The following OPRPN variants were observed in gnomAD, a reference collection of about 807,000 sequenced individuals.
OPRPN encodes opiorphin prepropeptide, also known as basic proline-rich lacrimal protein.
Under a neutral mutation model 2.2 loss-of-function variants are expected in OPRPN, and 1 was observed. The observed-to-expected ratio is 0.45, with a 90% CI of 0.16 to 2.15. The LOEUF is 2.15. OPRPN is among the 30% of genes most tolerant of loss of function. The probability of loss-of-function intolerance (pLI) is 0.28; values close to 1 mark genes in which losing one functional copy is unlikely to be tolerated. For missense variants in OPRPN, 306 were observed against 297.3 expected, an observed-to-expected ratio of 1.03 and a Z score of -0.21; for synonymous variants, 126 against 111.5, an observed-to-expected ratio of 1.13 and a Z score of -0.82.
At chr4:70,404,015 G>T (rs1733037259) in intron 2 of OPRPN, among the ~76,000 whole-genome samples, 1 of 152,036 alleles carries the variant, frequency 6.6e-6, no homozygotes, top group African/African-American at 2.4e-5. Flanking sequence ...ATACTCCACT[G>T]ATCTTATGGC....
rs368286914 is a variant in OPRPN at position 70,409,780 on chromosome 4, C to A, written c.452C>A (p.Thr151Lys). ...EPQINITTADTTITTNPPTTA... is the reference protein window; with the variant it reads ...EPQINITTADKTITTNPPTTA... ...CAAATAAACATCACCACCGCAGATA[C>A]AACAATCACCACAAATCCCCCCACC... Residue 151 changes from threonine (T) to lysine (K), a missense_variant, in exon 3 of 3, where the codon ACA becomes AAA. Coordinates refer to ENST00000399575, the MANE Select transcript of OPRPN (RefSeq NM_021225.5). 6.2e-7 allele frequency: 1 copy of A among 1,613,784 alleles called. No homozygotes were observed. Among genetic ancestry groups the A allele is most frequent in the Non-Finnish European group, 8.5e-7 (1 of 1,179,856 alleles).
rs1258209131 is a variant in OPRPN, at chr4:70,409,409, A to C, written c.81A>C (p.Arg27Ser). The change falls in exon 3 of 3, where the codon AGA (arginine) becomes AGC (serine). Residue 27 changes from arginine (R) to serine (S), a missense_variant. Physicochemically the swap from Arg to Ser is moderately radical, Grantham distance 110 (BLOSUM62 -1). Transcript: ENST00000399575. ...GTGAGAGTCAAAGATTCTCCAGAAG[A>C]CCATATCTACCTGGCCAGCTGCCAC... is the stretch of plus-strand genomic sequence containing the variant. ...TPSESQRFSR[R>S]PYLPGQLPPP... The C allele has an allele frequency of 6.2e-7, 1 of 1,612,638 alleles. No individual in the cohort carries two copies. Among genetic ancestry groups the C allele is most frequent in the Non-Finnish European group, 8.5e-7 (1 of 1,179,128 alleles).
chr4:70,405,153 A>G (rs17148889), intron 2 of OPRPN, among the ~76,000 whole-genome samples: 14,848 of 152,216 alleles, frequency 0.098, 869 homozygotes, highest in East Asian at 0.21. Flanking sequence ...TCTGTTTCAA[A>G]TAAGCTTATC....
At chr4:70,399,426 A>G (rs1732927130) in intron 2 of OPRPN, 90 bp downstream of exon 2, 10 of 1,102,776 alleles carry the variant, frequency 9.1e-6, no homozygotes, top group African/African-American at 3.2e-5. Context: ...TTTGTCCTGT[A>G]TATAAAAATA....
chr4:70,409,965 C>T lies in OPRPN; in HGVS notation c.637C>T (p.His213Tyr). ...NTTQILANRP[H>Y]TVLLNATVQV... is the part of the protein sequence containing the mutation. The stretch of plus-strand genomic sequence containing the variant: ...TACTCAAATTCTCGCCAACCGTCCT[C>T]ACACAGTATTGCTCAATGCCACTGT... The change falls in exon 3 of 3, where the codon CAC becomes TAC. Residue 213 changes from histidine (H) to tyrosine (Y), a missense_variant. His to Tyr is a moderately conservative substitution (Grantham distance 83). Coordinates refer to ENST00000399575, the MANE Select transcript of OPRPN (RefSeq NM_021225.5). The T allele has an allele frequency of 1.2e-6, 2 of 1,613,976 alleles. No homozygotes were observed. The highest frequency in any genetic ancestry group is 1.7e-6 in the Non-Finnish European group (2 of 1,179,822).
chr4:70,410,071 G>A lies in OPRPN; in HGVS notation c.743G>A (p.Gly248Asp), dbSNP rs1295845284. Residue 248 changes from glycine (G) to aspartate (D), a missense_variant, in exon 3 of 3, where the codon GGT (glycine) becomes GAT (aspartate). By Grantham distance (94) the Gly-to-Asp change is moderately conservative (BLOSUM62 -1). Transcript: ENST00000399575. ...SFWQKLFAIFG is the reference protein window; with the variant it reads ...SFWQKLFAIFD Reference sequence around the variant, plus strand: ...TGGCAAAAACTCTTTGCCATTTTTGGTTGAACATGCAATAAATGATATTTT... The same window carrying A: ...TGGCAAAAACTCTTTGCCATTTTTGATTGAACATGCAATAAATGATATTTT... 1 of 1,540,362 alleles carries A rather than the reference G, an allele frequency of 6.5e-7. No homozygotes were observed. Among genetic ancestry groups the A allele is most frequent in the Non-Finnish European group, 8.7e-7 (1 of 1,145,194 alleles).
At chr4:70,407,800 T>C (rs923554202) in intron 2 of OPRPN, among the ~76,000 whole-genome samples, 1 of 152,186 alleles carries the variant, frequency 6.6e-6, no homozygotes, top group African/African-American at 2.4e-5. Context: ...AAGATGTAGA[T>C]ATAAAACACA....
intron 2 of OPRPN, among the ~76,000 whole-genome samples, chr4:70,407,003 G>A (rs921554982): frequency 6.6e-6 from 1 of 152,114 alleles, no homozygotes; most frequent in Non-Finnish European, 1.5e-5. Context: ...CCTAAAAACC[G>A]GTCTTTGCTT....
chr4:70,400,820 A>G (rs140660760), intron 2 of OPRPN, among the ~76,000 whole-genome samples: 10 of 152,186 alleles, frequency 6.6e-5, no homozygotes, highest in Admixed American at 3.3e-4. Flanking sequence ...TTCCCCAAAT[A>G]TGACAAATAT....
intron 2 of OPRPN, among the ~76,000 whole-genome samples, chr4:70,406,030 T>C (rs1451063328): frequency 2.0e-5 from 3 of 151,926 alleles, no homozygotes; most frequent in Non-Finnish European, 4.4e-5. Flanking sequence ...GTCACACCAC[T>C]GCACGCCAGC....
chr4:70,408,712 C>T (rs1173364185), intron 2 of OPRPN, among the ~76,000 whole-genome samples: 1 of 152,182 alleles, frequency 6.6e-6, no homozygotes, highest in East Asian at 1.9e-4. Flanking sequence ...ATAAGCAAGT[C>T]ACCCAGCTAG....
At chr4:70,406,021 T>G (rs1733083188) in intron 2 of OPRPN, among the ~76,000 whole-genome samples, 1 of 151,152 alleles carries the variant, frequency 6.6e-6, no homozygotes, top group Non-Finnish European at 1.5e-5. Flanking sequence ...TGAGCTGAGG[T>G]CACACCACTG....
chr4:70,409,526 C>T lies in OPRPN; in HGVS notation c.198C>T (p.Val66=), dbSNP rs200679822. 8 of 1,613,940 alleles carry T rather than the reference C, an allele frequency of 5.0e-6. No individual in the cohort carries two copies. In the Admixed American group the frequency reaches 1.2e-4, roughly 24 times the overall value. The change falls in exon 3 of 3, where the codon GTC becomes GTT. Residue 66 remains valine, a synonymous_variant. Coordinates refer to ENST00000399575, the MANE Select transcript of OPRPN (RefSeq NM_021225.5). ...RLNSPLSLPF[V]PGRVPPSSFS... ...ATTCACCACTTTCTCTTCCCTTTGT[C>T]CCAGGGCGAGTTCCACCATCTTCTT... is the stretch of plus-strand genomic sequence containing the variant.
Position 70,399,331 on chromosome 4 carries a change from T to G in OPRPN, c.46T>G (p.Phe16Val). The G allele has an allele frequency of 6.3e-7, 1 of 1,592,910 alleles. No homozygotes were observed. Among genetic ancestry groups the G allele is most frequent in the Non-Finnish European group, 8.6e-7 (1 of 1,162,732 alleles). Residue 16 changes from phenylalanine to valine, a missense_variant, in exon 2 of 3, where the codon TTC becomes GTC. Phe to Val is a conservative substitution (Grantham distance 50). Transcript: ENST00000399575. ...GGGCCTGTTGGCTCTTATTTCATGT[T>G]TCACAGTAAGTTCCCTCAATTCTAA... ...FLGLLALISC[F>V]TPSESQRFSR...
intron 2 of OPRPN, among the ~76,000 whole-genome samples, chr4:70,405,030 T>C (rs750568297): frequency 2.6e-5 from 4 of 152,166 alleles, no homozygotes; most frequent in African/African-American, 9.7e-5. Flanking sequence ...TGCCAAGAAG[T>C]ATATTACAAA....
Position 70,409,520 on chromosome 4 carries a change from C to A in OPRPN, c.192C>A (p.Pro64=). The change falls in exon 3 of 3, where the codon CCC becomes CCA. Residue 64 remains proline, a synonymous_variant. Coordinates refer to ENST00000399575, the MANE Select transcript of OPRPN (RefSeq NM_021225.5). Reference sequence around the variant, plus strand: ...GACTTAATTCACCACTTTCTCTTCCCTTTGTCCCAGGGCGAGTTCCACCAT... The same window carrying A: ...GACTTAATTCACCACTTTCTCTTCCATTTGTCCCAGGGCGAGTTCCACCAT... ...DSRLNSPLSL[P]FVPGRVPPSS... The A allele has an allele frequency of 6.2e-7, 1 of 1,614,010 alleles. No individual in the cohort carries two copies. Among genetic ancestry groups the A allele is most frequent in the Non-Finnish European group, 8.5e-7 (1 of 1,179,948 alleles).
chr4:70,407,378 A>G (rs754380694), intron 2 of OPRPN, among the ~76,000 whole-genome samples: 3 of 152,270 alleles, frequency 2.0e-5, no homozygotes, highest in Non-Finnish European at 4.4e-5. Flanking sequence ...AAAGGTGATG[A>G]CTAAGACAGG....
At chr4:70,407,661 T>C (rs1733120116) in intron 2 of OPRPN, among the ~76,000 whole-genome samples, 1 of 152,130 alleles carries the variant, frequency 6.6e-6, no homozygotes, top group South Asian at 2.1e-4. Flanking sequence ...AAGGGTACCC[T>C]AGGTTAAGAA....
rs986124329 is a variant in OPRPN, at chr4:70,397,940, C to G, written c.-116C>G. Reference sequence around the variant, plus strand: ...GAAGAAAGGCTTTTCTATCAAAGTTCTTTCTCTTCTTGGACTTTTAAATTG... The same window carrying G: ...GAAGAAAGGCTTTTCTATCAAAGTTGTTTCTCTTCTTGGACTTTTAAATTG... On this transcript the variant is annotated 5_prime_UTR_variant, in exon 1 of 3. Transcript: ENST00000399575. The G allele has an allele frequency of 4.1e-4, 63 of 151,988 alleles. No individual in the cohort carries two copies. Among genetic ancestry groups the G allele is most frequent in the African/African-American group, 1.4e-3 (60 of 41,486 alleles). 9.4% of individuals were successfully genotyped at this position (151,988 alleles called of 1,614,324 possible). A position where few individuals can be genotyped will look rare whatever the true frequency, so the allele number is the denominator to read the frequency against.
Sources: gnomAD v4.1 joint callset for allele counts (sites outside exome capture counted in the v4.1 genomes callset) on GRCh38, gnomAD v4.1.1 for gene constraint, MANE v1.5 for transcripts, NCBI Gene and HGNC (gene_info 2026-07-23, HGNC 2026-07-21) for gene names.